Variants in NGEF observed in about 807,000 individuals in gnomAD.
NGEF encodes neuronal guanine nucleotide exchange factor.
Under a neutral mutation model 80.9 loss-of-function variants are expected in NGEF, and 31 were observed. The observed-to-expected ratio is 0.38, with a 90% confidence interval of 0.29 to 0.52. NGEF has a LOEUF of 0.52. Among genes scored for constraint, NGEF ranks in the 20% least tolerant of loss-of-function variants. NGEF has a pLI of 0.84. For missense variants in NGEF, 709 were observed against 926.2 expected, an observed-to-expected ratio of 0.77 and a Z score of 3.04; for synonymous variants, 371 against 370.2, an observed-to-expected ratio of 1.00 and a Z score of -0.03.
Position 232,974,845 on chromosome 2 carries a change from A to T in NGEF, c.46T>A (p.Ser16Thr), listed in dbSNP as rs781541822. Residue 16 changes from serine to threonine, a missense_variant, in exon 2 of 15, where the codon TCA (serine) becomes ACA (threonine). Physicochemically the swap from Ser to Thr is moderately conservative, Grantham distance 58 (BLOSUM62 1). Transcript: ENST00000264051. Reference sequence around the variant, plus strand: ...TCAGTGTTCCATTGATCACTTGCTGATTTCCTCCGGGTCTTTTCCAAATCT... The same window carrying T: ...TCAGTGTTCCATTGATCACTTGCTGTTTTCCTCCGGGTCTTTTCCAAATCT... ...SEDLEKTRRK[S>T]ASDQWNTDNE... The T allele has an allele frequency of 6.2e-7, 1 of 1,614,066 alleles. No individual in the cohort carries two copies.
At chr2:232,897,871 G>A (rs886814562) in intron 5 of NGEF, among the ~76,000 whole-genome samples, 2 of 151,900 alleles carry the variant, frequency 1.3e-5, no homozygotes, top group African/African-American at 2.4e-5. Flanking sequence ...GGTCAGAGAC[G>A]AGACGCTGAA....
rs1446857698 is a variant in NGEF at position 232,879,183 on chromosome 2, G to C, written c.*306C>G. The stretch of plus-strand genomic sequence containing the variant: ...CCAGTCCCTGGGGGCCAGGGGCATG[G>C]GGGGCCCTGGAGTGTGCCCACCCCC... On this transcript the variant is annotated 3_prime_UTR_variant, in exon 15 of 15. Coordinates refer to ENST00000264051, the MANE Select transcript of NGEF (RefSeq NM_019850.3). The C allele has an allele frequency of 3.8e-6, 1 of 265,868 alleles. No individual in the cohort carries two copies. Among genetic ancestry groups the C allele is most frequent in the Non-Finnish European group, 7.1e-6 (1 of 140,184 alleles). The allele number at this position is 265,868 out of a possible 1,614,324, so 16.5% of individuals were successfully genotyped here. A position where few individuals can be genotyped will look rare whatever the true frequency, so the allele number is the denominator to read the frequency against.
At chr2:233,004,550 G>A (rs1317328582) in intron 1 of NGEF, among the ~76,000 whole-genome samples, 1 of 152,178 alleles carries the variant, frequency 6.6e-6, no homozygotes, top group Non-Finnish European at 1.5e-5. Context: ...AGGCCATCAG[G>A]GCAGAAAGAT....
chr2:233,007,357 C>G (rs1469973053), intron 1 of NGEF, among the ~76,000 whole-genome samples: 1 of 152,138 alleles, frequency 6.6e-6, no homozygotes, highest in East Asian at 1.9e-4. Flanking sequence ...AGATAATGGC[C>G]CAGCCTAGGT....
chr2:232,942,944 C>A (rs1437004278), intron 3 of NGEF, among the ~76,000 whole-genome samples: 9 of 149,674 alleles, frequency 6.0e-5, no homozygotes, highest in Admixed American at 3.3e-4. Context: ...TTCATCCCTC[C>A]CCCGAACTGA....
intron 1 of NGEF, among the ~76,000 whole-genome samples, chr2:232,977,931 T>C (rs1441969164): frequency 6.6e-6 from 1 of 152,146 alleles, no homozygotes; most frequent in Non-Finnish European, 1.5e-5. Context: ...CCCTGTTTGT[T>C]GTGGGCCTGG....
At chr2:232,928,382 G>A (rs1693138634) in intron 3 of NGEF, among the ~76,000 whole-genome samples, 1 of 151,738 alleles carries the variant, frequency 6.6e-6, no homozygotes, top group Non-Finnish European at 1.5e-5. Flanking sequence ...GAGCTGCGGA[G>A]GCCCTGGAGC....
chr2:232,901,763 TGGAG>T (rs542112508), intron 5 of NGEF, among the ~76,000 whole-genome samples: 2 of 152,230 alleles, frequency 1.3e-5, no homozygotes, highest in Non-Finnish European at 2.9e-5. Flanking sequence ...GGCTTTTGCC[TGGAG>T]GGAGGGAGGG....
intron 2 of NGEF, among the ~76,000 whole-genome samples, chr2:232,972,705 C>G (rs1054467184): frequency 1.3e-5 from 2 of 150,326 alleles, no homozygotes; most frequent in Admixed American, 1.3e-4. Flanking sequence ...TGAAATCAAC[C>G]AAGCCTGCTC....
chr2:232,913,223 T>C (rs1385923780), intron 5 of NGEF, among the ~76,000 whole-genome samples: 4 of 152,238 alleles, frequency 2.6e-5, no homozygotes, highest in Non-Finnish European at 5.9e-5. Flanking sequence ...TATTTATAAC[T>C]CTCCTTGCAA....
intron 5 of NGEF, among the ~76,000 whole-genome samples, chr2:232,909,010 C>A (rs546844428): frequency 2.0e-5 from 3 of 152,172 alleles, no homozygotes; most frequent in East Asian, 3.9e-4. Flanking sequence ...AGTAGGAAAC[C>A]GTAACTGGTA....
chr2:233,003,949 C>T (rs796179838), intron 1 of NGEF, among the ~76,000 whole-genome samples: 15 of 152,324 alleles, frequency 9.8e-5, no homozygotes, highest in African/African-American at 3.6e-4. Flanking sequence ...TTTTAACCAA[C>T]AGACCCAGCA....
chr2:232,969,183 G>A (rs1404227588), intron 3 of NGEF, among the ~76,000 whole-genome samples: 1 of 152,118 alleles, frequency 6.6e-6, no homozygotes, highest in East Asian at 1.9e-4. Context: ...ATAGTAAGAT[G>A]TCATTTTATG....
intron 3 of NGEF, among the ~76,000 whole-genome samples, chr2:232,960,869 G>T (rs964294361): frequency 6.6e-6 from 1 of 152,124 alleles, no homozygotes; most frequent in Non-Finnish European, 1.5e-5. Context: ...CAAGAGCAAA[G>T]CTCCATCTCA....
chr2:233,003,224 C>T (rs1695016640), intron 1 of NGEF, among the ~76,000 whole-genome samples: 2 of 152,198 alleles, frequency 1.3e-5, no homozygotes, highest in Admixed American at 1.3e-4. Flanking sequence ...GCCTCCCCAC[C>T]CCAAGGAAGG....
In NGEF at chr2:232,920,346, G is replaced by T. The variant is rs770151518; in HGVS notation, c.766C>A (p.Pro256Thr). 6 of 1,614,022 alleles carry T rather than the reference G, an allele frequency of 3.7e-6. No individual in the cohort carries two copies. In the African/African-American group the frequency reaches 5.3e-5, roughly 14 times the overall value. ...AGCACCCCGCTGCTCCGGATCTCGG[G>T]AAGATCCTGCCAGAGGTTGAACCTT... ...HSRFNLWQDL[P>T]EIRSSGVLEI... Residue 256 changes from proline (P) to threonine (T), a missense_variant, in exon 5 of 15, where the codon CCC becomes ACC. This residue lies in a region of NGEF where 426 missense variants were observed against 622.9 expected (regional missense o/e 0.68). Transcript: ENST00000264051.
rs774989406 is a variant in NGEF at position 232,879,447 on chromosome 2, G to T, written c.*42C>A. 1.9e-6 allele frequency: 3 copies of T among 1,546,050 alleles called. No individual in the cohort carries two copies. Among genetic ancestry groups the T allele is most frequent in the Non-Finnish European group, 2.6e-6 (3 of 1,137,728 alleles). On this transcript the variant is annotated 3_prime_UTR_variant, in exon 15 of 15. Transcript: ENST00000264051. Reference sequence around the variant, plus strand: ...CCCCCCCCCCCCACCTTCTGTCGGGGTCTCATGCAGGCCCTGCTCCCGCTG... The same window carrying T: ...CCCCCCCCCCCCACCTTCTGTCGGGTTCTCATGCAGGCCCTGCTCCCGCTG...
At chr2:232,946,887 A>G (rs545505389) in intron 3 of NGEF, among the ~76,000 whole-genome samples, 5 of 152,318 alleles carry the variant, frequency 3.3e-5, no homozygotes, top group African/African-American at 9.6e-5. Flanking sequence ...TACAATGACC[A>G]TGAGTCCATA....
chr2:232,882,060 G>A (rs1301021903), intron 13 of NGEF, 126 bp downstream of exon 13: 21 of 812,816 alleles, frequency 2.6e-5, no homozygotes, highest in Non-Finnish European at 3.8e-5. Flanking sequence ...CTGGAGGCCC[G>A]TGCAGGCCTC....
Sources: gnomAD v4.1 joint callset for allele counts (sites outside exome capture counted in the v4.1 genomes callset) on GRCh38, gnomAD v4.1.1 for gene constraint, gnomAD v4.1.1 regional missense constraint, MANE v1.5 for transcripts, NCBI Gene and HGNC (gene_info 2026-07-23, HGNC 2026-07-21) for gene names.